Variants in EFNA5 observed in about 807,000 individuals in gnomAD.
EFNA5 encodes ephrin-A5.
Under a neutral mutation model 22.9 loss-of-function variants are expected in EFNA5, and 5 were observed. The ratio of observed to expected loss-of-function variants is 0.22; its 90% CI spans 0.11 to 0.46. The LOEUF (loss-of-function observed/expected upper bound fraction) is 0.46, where lower values mean the gene tolerates loss of function less well. EFNA5 is among the 20% of genes least tolerant of loss of function. EFNA5 has a pLI of 0.99. For missense variants in EFNA5, 237 were observed against 293.3 expected, an observed-to-expected ratio of 0.81 and a Z score of 1.40; for synonymous variants, 113 against 112.2, an observed-to-expected ratio of 1.01 and a Z score of -0.04.
At chr5:107,529,428 T>C (rs1747764989) in intron 1 of EFNA5, among the ~76,000 whole-genome samples, 1 of 152,078 alleles carries the variant, frequency 6.6e-6, no homozygotes, top group Admixed American at 6.6e-5. Context: ...TAGCTCACCA[T>C]GCCTGCACAC....
At chr5:107,611,256 G>A (rs893460900) in intron 1 of EFNA5, among the ~76,000 whole-genome samples, 14 of 151,964 alleles carry the variant, frequency 9.2e-5, no homozygotes, top group African/African-American at 3.1e-4. Context: ...TACAAAAATC[G>A]TATCACAGAA....
chr5:107,667,060 C>G (rs1349506933), intron 1 of EFNA5, among the ~76,000 whole-genome samples: 2 of 152,008 alleles, frequency 1.3e-5, no homozygotes, highest in African/African-American at 4.8e-5. Flanking sequence ...TGGTGACATT[C>G]CAGTTTAGAA....
chr5:107,476,760 T>A (rs1339723909), intron 1 of EFNA5, among the ~76,000 whole-genome samples: 1 of 150,292 alleles, frequency 6.7e-6, no homozygotes, highest in Non-Finnish European at 1.5e-5. Context: ...TCTCTCTCTC[T>A]CACAGGAACA....
At chr5:107,663,325 C>A (rs1181856587) in intron 1 of EFNA5, among the ~76,000 whole-genome samples, 3 of 152,076 alleles carry the variant, frequency 2.0e-5, no homozygotes, top group East Asian at 3.9e-4. Context: ...AGTAGGTATT[C>A]ATGTGTTTCC....
At chr5:107,421,071 A>G (rs921991962) in intron 2 of EFNA5, among the ~76,000 whole-genome samples, 3 of 152,220 alleles carry the variant, frequency 2.0e-5, no homozygotes, top group African/African-American at 7.2e-5. Context: ...TGTACAATCA[A>G]ATGATTTCTG....
At chr5:107,581,250 A>T (rs1749068853) in intron 1 of EFNA5, among the ~76,000 whole-genome samples, 1 of 152,170 alleles carries the variant, frequency 6.6e-6, no homozygotes. Flanking sequence ...ACTGTTTCAT[A>T]AACACAGTAC....
At chr5:107,649,397 G>A (rs777165342) in intron 1 of EFNA5, among the ~76,000 whole-genome samples, 1 of 152,114 alleles carries the variant, frequency 6.6e-6, no homozygotes, top group Non-Finnish European at 1.5e-5. Flanking sequence ...CCAATAAATT[G>A]AAATGAAGAG....
At chr5:107,631,164 C>T (rs1750241147) in intron 1 of EFNA5, among the ~76,000 whole-genome samples, 1 of 151,862 alleles carries the variant, frequency 6.6e-6, no homozygotes, top group African/African-American at 2.4e-5. Flanking sequence ...AGGCAATAGG[C>T]ATTTTTCAGC....
chr5:107,640,843 T>A (rs1750483686), intron 1 of EFNA5, among the ~76,000 whole-genome samples: 1 of 152,156 alleles, frequency 6.6e-6, no homozygotes, highest in Admixed American at 6.5e-5. Flanking sequence ...ACAAACAACC[T>A]GGGTGTCTCT....
intron 1 of EFNA5, among the ~76,000 whole-genome samples, chr5:107,627,118 T>C (rs961351466): frequency 1.8e-4 from 28 of 152,352 alleles, no homozygotes; most frequent in South Asian, 6.2e-4. Context: ...ATTTGAGTGA[T>C]TTATTTCCAT....
chr5:107,476,850 T>C (rs1750326374), intron 1 of EFNA5, among the ~76,000 whole-genome samples: 1 of 152,158 alleles, frequency 6.6e-6, no homozygotes, highest in Non-Finnish European at 1.5e-5. Context: ...CTTGATGAAA[T>C]GATTTGATGT....
chr5:107,552,476 G>A (rs946391910), intron 1 of EFNA5, among the ~76,000 whole-genome samples: 41 of 152,162 alleles, frequency 2.7e-4, no homozygotes, highest in African/African-American at 9.9e-4. Flanking sequence ...TCATGGGAGA[G>A]AAGAAAACTG....
intron 1 of EFNA5, among the ~76,000 whole-genome samples, chr5:107,495,469 C>A (rs982537271): frequency 1.3e-5 from 2 of 152,222 alleles, no homozygotes; most frequent in African/African-American, 4.8e-5. Context: ...GGGTCCGCGG[C>A]CTCATTCTTG....
chr5:107,430,774 C>CTTT (rs869266799), intron 1 of EFNA5, among the ~76,000 whole-genome samples: 528 of 20,254 alleles, frequency 0.026, 8 homozygotes, highest in African/African-American at 0.043. Flanking sequence ...TTCTTTCTTT[C>CTTT]TTTTTTTTTT....
At chr5:107,529,316 C>T (rs947842055) in intron 1 of EFNA5, among the ~76,000 whole-genome samples, 2 of 152,066 alleles carry the variant, frequency 1.3e-5, no homozygotes, top group Admixed American at 1.3e-4. Context: ...TGAAGTCCCC[C>T]CTACCCAAGG....
At chr5:107,664,258 T>C (rs553995847) in intron 1 of EFNA5, among the ~76,000 whole-genome samples, 2 of 152,168 alleles carry the variant, frequency 1.3e-5, no homozygotes, top group Non-Finnish European at 2.9e-5. Flanking sequence ...CTCAAGATCA[T>C]GCAAAATAGT....
intron 1 of EFNA5, among the ~76,000 whole-genome samples, chr5:107,633,150 T>G (rs1193921433): frequency 6.6e-6 from 1 of 152,198 alleles, no homozygotes; most frequent in Admixed American, 6.5e-5. Flanking sequence ...CTGCTTTCAT[T>G]ATTTGTGAGT....
At chr5:107,587,367 G>GA (rs1217485133) in intron 1 of EFNA5, among the ~76,000 whole-genome samples, 1 of 151,810 alleles carries the variant, frequency 6.6e-6, no homozygotes, top group Non-Finnish European at 1.5e-5. Context: ...TGTATGCTGG[G>GA]AAAAAAAGGA....
At chr5:107,442,929 TAAAAAAAAAAA>T (rs544741414) in intron 1 of EFNA5, among the ~76,000 whole-genome samples, 1 of 82,352 alleles carries the variant, frequency 1.2e-5, no homozygotes, top group Admixed American at 1.4e-4. Context: ...CCCCAGGTAC[TAAAAAAAAAAA>T]AAAAAAAAAA....
Sources: gnomAD v4.1 joint callset for allele counts (sites outside exome capture counted in the v4.1 genomes callset) on GRCh38, gnomAD v4.1.1 for gene constraint, MANE v1.5 for transcripts, NCBI Gene and HGNC (gene_info 2026-07-23, HGNC 2026-07-21) for gene names.